Variants in GRM7 observed in about 807,000 individuals in gnomAD.
GRM7 encodes glutamate metabotropic receptor 7.
GRM7 carries 35 observed loss-of-function variants against 84.5 expected under a neutral mutation model. The observed-to-expected ratio is 0.41, with a 90% CI of 0.32 to 0.55. GRM7 has a LOEUF of 0.55. Among genes scored for constraint, GRM7 ranks in the 20% least tolerant of loss-of-function variants. The probability of loss-of-function intolerance (pLI) is 0.19; values close to 1 mark genes in which losing one functional copy is unlikely to be tolerated. For missense variants in GRM7, 1,003 were observed against 1,194.6 expected (o/e 0.84, Z 2.36); for synonymous variants, 487 against 455.1 (o/e 1.07, Z -0.89).
chr3:7,032,353 T>C (rs1367714696), intron 1 of GRM7, among the ~76,000 whole-genome samples: 2 of 152,220 alleles, frequency 1.3e-5, no homozygotes, highest in Non-Finnish European at 2.9e-5. Flanking sequence ...GTAGTATAGG[T>C]AGACAACTTT....
At chr3:7,496,075 A>G (rs1379048153) in intron 7 of GRM7, among the ~76,000 whole-genome samples, 1 of 152,212 alleles carries the variant, frequency 6.6e-6, no homozygotes, top group Non-Finnish European at 1.5e-5. Context: ...TCTTATCAGT[A>G]GTAGAATGTG....
chr3:7,725,123 G>C (rs1702078826), intron 9 of GRM7, among the ~76,000 whole-genome samples: 1 of 152,060 alleles, frequency 6.6e-6, no homozygotes, highest in African/African-American at 2.4e-5. Context: ...AAACAAATTG[G>C]AACACTTCGA....
intron 8 of GRM7, among the ~76,000 whole-genome samples, chr3:7,656,983 CA>C (rs1391950921): frequency 1.3e-5 from 2 of 152,118 alleles, no homozygotes; most frequent in African/African-American, 4.8e-5. Context: ...GAAGTACAAA[CA>C]TATTTTTAAA....
At chr3:7,309,494 T>C (rs562069051) in intron 4 of GRM7, among the ~76,000 whole-genome samples, 1 of 152,212 alleles carries the variant, frequency 6.6e-6, no homozygotes, top group Non-Finnish European at 1.5e-5. Context: ...TCCATTCCTA[T>C]ATCTTTGTGT....
intron 1 of GRM7, among the ~76,000 whole-genome samples, chr3:6,920,361 C>T (rs574345865): frequency 6.6e-6 from 1 of 152,048 alleles, no homozygotes; most frequent in Non-Finnish European, 1.5e-5. Flanking sequence ...TCAAGACCAG[C>T]CTGGCCAACA....
intron 1 of GRM7, among the ~76,000 whole-genome samples, chr3:6,959,368 T>C (rs1238360496): frequency 1.3e-5 from 2 of 152,160 alleles, no homozygotes; most frequent in East Asian, 3.9e-4. Flanking sequence ...AAACTAGATT[T>C]TTTTTCCTTC....
intron 1 of GRM7, among the ~76,000 whole-genome samples, chr3:7,138,688 C>A (rs1693847827): frequency 6.6e-6 from 1 of 151,304 alleles, no homozygotes; most frequent in South Asian, 2.1e-4. Flanking sequence ...TTCACAATTT[C>A]TTTAAATCAG....
intron 4 of GRM7, among the ~76,000 whole-genome samples, chr3:7,375,467 A>G (rs1694311136): frequency 1.3e-5 from 2 of 151,812 alleles, no homozygotes; most frequent in African/African-American, 4.8e-5. Context: ...ATCCACCCAC[A>G]TCAGCCTCCC....
chr3:7,073,708 G>C (rs1697962144), intron 1 of GRM7, among the ~76,000 whole-genome samples: 1 of 152,112 alleles, frequency 6.6e-6, no homozygotes, highest in Non-Finnish European at 1.5e-5. Flanking sequence ...ACTTTAACAG[G>C]TATTTATAGA....
chr3:7,031,451 C>G (rs1696179542), intron 1 of GRM7, among the ~76,000 whole-genome samples: 1 of 151,680 alleles, frequency 6.6e-6, no homozygotes, highest in Non-Finnish European at 1.5e-5. Flanking sequence ...GAGTCTTGCT[C>G]TGTCGCCCAG....
intron 2 of GRM7, among the ~76,000 whole-genome samples, chr3:7,202,991 A>T (rs1342200801): frequency 6.6e-6 from 1 of 152,230 alleles, no homozygotes; most frequent in Non-Finnish European, 1.5e-5. Flanking sequence ...TTAGATGCAT[A>T]GAATGTGTTC....
chr3:7,047,133 G>GT (rs576236681), intron 1 of GRM7, among the ~76,000 whole-genome samples: 77 of 147,762 alleles, frequency 5.2e-4, no homozygotes, highest in Middle Eastern at 3.5e-3. Context: ...CCCACTACCT[G>GT]TTTTTTTTTT....
intron 1 of GRM7, among the ~76,000 whole-genome samples, chr3:7,003,450 CA>C (rs1197049813): frequency 1.3e-5 from 2 of 151,718 alleles, no homozygotes; most frequent in African/African-American, 4.8e-5. Context: ...GGAGCGCATG[CA>C]ATTGATTATC....
intron 4 of GRM7, among the ~76,000 whole-genome samples, chr3:7,365,954 A>G (rs1693873060): frequency 6.6e-6 from 1 of 151,524 alleles, no homozygotes; most frequent in African/African-American, 2.4e-5. Context: ...GGCCAGCTTT[A>G]TGTTAAATTT....
chr3:7,201,204 C>A (rs1025649473), intron 2 of GRM7, among the ~76,000 whole-genome samples: 1 of 151,896 alleles, frequency 6.6e-6, no homozygotes, highest in African/African-American at 2.4e-5. Flanking sequence ...CTTCTGACCT[C>A]GTGATCTGCC....
intron 7 of GRM7, among the ~76,000 whole-genome samples, chr3:7,553,332 A>C (rs980684202): frequency 7.2e-5 from 11 of 152,192 alleles, no homozygotes; most frequent in African/African-American, 2.4e-4. Context: ...AGGAAGTTCC[A>C]AACTTTCCCA....
At chr3:7,117,493 A>G (rs1463572510) in intron 1 of GRM7, among the ~76,000 whole-genome samples, 1 of 152,160 alleles carries the variant, frequency 6.6e-6, no homozygotes, top group Non-Finnish European at 1.5e-5. Flanking sequence ...AACGTGCTCC[A>G]GTTGGAAGGG....
rs546446266 is a variant in GRM7 at position 6,865,254 on chromosome 3, A to T, written c.519+3347A>T. 4.7e-4 allele frequency among the ~76,000 whole-genome samples: 72 copies of T among 152,066 alleles called. 2 individuals are homozygous for T. The South Asian group carries it at 7.1e-3, about 15-fold the overall frequency. On this transcript the variant is annotated intron_variant, in intron 1 of 9. Transcript: ENST00000357716. ...AATATTGACTATAAGTAACATATTT[A>T]AAAAAAATCATCACAGAGTTGGGAT... is the stretch of plus-strand genomic sequence containing the variant.
intron 5 of GRM7, among the ~76,000 whole-genome samples, chr3:7,441,028 G>T (rs1697264727): frequency 6.6e-6 from 1 of 152,096 alleles, no homozygotes; most frequent in Non-Finnish European, 1.5e-5. Flanking sequence ...GGGATTGTTT[G>T]GTCAAATGGT....
Sources: allele counts gnomAD v4.1 joint callset (sites outside exome capture counted in the v4.1 genomes callset), GRCh38; gene constraint gnomAD v4.1.1; transcripts MANE v1.5; gene names NCBI Gene and HGNC (gene_info 2026-07-23, HGNC 2026-07-21).